Variants in SPTLC1 observed in about 807,000 individuals in gnomAD.
The protein encoded by SPTLC1 is serine palmitoyltransferase 1.
SPTLC1 carries 55 observed loss-of-function variants against 68.9 expected under a neutral mutation model. The ratio of observed to expected loss-of-function variants is 0.80; its 90% CI spans 0.64 to 1.00. The LOEUF is 1.00. Ranked by LOEUF, SPTLC1 falls within the 50% of genes least tolerant of loss-of-function variation. The pLI is 0.00. For missense variants in SPTLC1, 449 were observed against 573.1 expected (o/e 0.78, Z 2.21); for synonymous variants, 197 against 201.6 (o/e 0.98, Z 0.19).
In SPTLC1 at chr9:92,104,322, T is replaced by C. The variant is rs552016466; in HGVS notation, c.260+4418A>G. 3.2e-4 allele frequency: 445 copies of C among 1,394,938 alleles called. 1 individual carries two copies. In the South Asian group the frequency reaches 3.4e-3, roughly 11 times the overall value. 86.4% of individuals were successfully genotyped at this position (1,394,938 alleles called of 1,614,324 possible). ...CTGGCCGGGCTCACCCCGCGGCTCC[T>C]GCACCTGTGCCTGCCCCGGGAATCT... On this transcript the variant is annotated intron_variant, in intron 3 of 14. Coordinates refer to ENST00000262554, the MANE Select transcript of SPTLC1 (RefSeq NM_006415.4).
chr9:92,031,184 A>G lies in SPTLC1; in HGVS notation c.*1281T>C, dbSNP rs1217451507. On this transcript the variant is annotated 3_prime_UTR_variant, in exon 15 of 15. Coordinates refer to ENST00000262554, the MANE Select transcript of SPTLC1 (RefSeq NM_006415.4). ...GTTTATTTCATTAAAAAATAAAACA[A>G]AACAAACCAGACTCATCCCCCAAAG... 1 of 152,652 alleles carries G rather than the reference A, an allele frequency of 6.6e-6. No homozygotes were observed. Among genetic ancestry groups the G allele is most frequent in the Non-Finnish European group, 1.5e-5 (1 of 68,028 alleles). 9.5% of individuals were successfully genotyped at this position (152,652 alleles called of 1,614,324 possible). A position where few individuals can be genotyped will look rare whatever the true frequency, so the allele number is the denominator to read the frequency against.
At chr9:92,067,914 C>A in intron 6 of SPTLC1, 52 bp downstream of exon 6, 2 of 1,567,478 alleles carry the variant, frequency 1.3e-6, no homozygotes, top group South Asian at 2.2e-5. Flanking sequence ...CTAAGACAGT[C>A]AGTATTATTT....
chr9:92,100,947 G>A (rs1362336548), intron 3 of SPTLC1, among the ~76,000 whole-genome samples: 1 of 151,912 alleles, frequency 6.6e-6, no homozygotes, highest in Non-Finnish European at 1.5e-5. Flanking sequence ...CACATCTCCA[G>A]GTGAAAATCT....
At chr9:92,041,662 C>T (rs956707995) in intron 12 of SPTLC1, among the ~76,000 whole-genome samples, 1 of 152,082 alleles carries the variant, frequency 6.6e-6, no homozygotes, top group Admixed American at 6.5e-5. Context: ...TCCTATGTTA[C>T]GTAAAGTTGG....
chr9:92,069,447 AAC>A, intron 5 of SPTLC1, among the ~76,000 whole-genome samples: 1 of 152,290 alleles, frequency 6.6e-6, no homozygotes, highest in Non-Finnish European at 1.5e-5. Flanking sequence ...ACTTTACAAC[AAC>A]ACACAGAGTT....
At chr9:92,086,382 G>A (rs148771025) in intron 3 of SPTLC1, among the ~76,000 whole-genome samples, 16,430 of 152,128 alleles carry the variant, frequency 0.11, 1,916 homozygotes, top group African/African-American at 0.3. Context: ...GACTGGTACC[G>A]GTTGTTCCTT....
intron 5 of SPTLC1, among the ~76,000 whole-genome samples, chr9:92,075,176 A>G (rs1834639079): frequency 6.6e-6 from 1 of 152,114 alleles, no homozygotes; most frequent in Non-Finnish European, 1.5e-5. Flanking sequence ...ATCCCCCTCC[A>G]AAGCTCAAAT....
chr9:92,038,396 A>G, intron 12 of SPTLC1, 31 bp from the exon 13 acceptor site: 2 of 1,382,714 alleles, frequency 1.4e-6, no homozygotes, highest in Non-Finnish European at 2.1e-6. Flanking sequence ...CACAGCTGTA[A>G]GTCCCTTCCA....
rs150428798 is a variant in SPTLC1, at chr9:92,035,745, A to G, written c.1255-862T>C. ...CAATTATTCCATGTCTCTGGCAGTA[A>G]AAGTATCTGCCTGAAGAGGGGTCAC... On this transcript the variant is annotated intron_variant, in intron 13 of 14. Transcript: ENST00000262554. Among the ~76,000 whole-genome samples the G allele has an allele frequency of 2.6e-3, 392 of 152,342 alleles. 2 individuals carry two copies. Among genetic ancestry groups the G allele is most frequent in the African/African-American group, 8.9e-3 (371 of 41,590 alleles).
intron 3 of SPTLC1, among the ~76,000 whole-genome samples, chr9:92,088,033 C>T (rs530081464): frequency 6.6e-6 from 1 of 152,330 alleles, no homozygotes; most frequent in African/African-American, 2.4e-5. Context: ...ACTGTGTGGG[C>T]GTAGGACCCT....
At chr9:92,102,339 A>ATCC in intron 3 of SPTLC1, among the ~76,000 whole-genome samples, 2 of 152,366 alleles carry the variant, frequency 1.3e-5, no homozygotes, top group Middle Eastern at 3.4e-3. Context: ...CTATCCACCT[A>ATCC]ACTGTTAAAA....
chr9:92,040,130 GAGGCCAAGGC>G (rs1037176718), intron 12 of SPTLC1, among the ~76,000 whole-genome samples: 9 of 152,148 alleles, frequency 5.9e-5, no homozygotes, highest in African/African-American at 2.2e-4. Flanking sequence ...AGCACTTTGG[GAGGCCAAGGC>G]AGGTAGATCA....
chr9:92,111,268 T>C (rs1274813007), intron 2 of SPTLC1: 1 of 152,180 alleles, frequency 6.6e-6, no homozygotes, highest in Non-Finnish European at 1.5e-5. Context: ...CCTGCTGAGG[T>C]AACCAACCAG....
chr9:92,064,538 G>A (rs1834216234), intron 6 of SPTLC1, among the ~76,000 whole-genome samples: 3 of 152,144 alleles, frequency 2.0e-5, no homozygotes, highest in Admixed American at 2.0e-4. Context: ...AGACACTTTG[G>A]AAAATAGTTT....
chr9:92,110,345 A>C (rs1836182804), intron 2 of SPTLC1: 1 of 152,194 alleles, frequency 6.6e-6, no homozygotes, highest in Non-Finnish European at 1.5e-5. Flanking sequence ...TCTAGTAGCC[A>C]TCACATTTCT....
chr9:92,079,516 T>G (rs202080725), intron 5 of SPTLC1: 1 of 1,613,952 alleles, frequency 6.2e-7, no homozygotes, highest in East Asian at 2.2e-5. Context: ...TTAGTTGGCC[T>G]GTTCCCGGAT....
At chr9:92,033,523 G>A (rs2118330866) in intron 14 of SPTLC1, among the ~76,000 whole-genome samples, 1 of 152,300 alleles carries the variant, frequency 6.6e-6, no homozygotes, top group East Asian at 1.9e-4. Context: ...TGCACCTACG[G>A]TCTTACTAAC....
At chr9:92,102,135 C>CA (rs1410791163) in intron 3 of SPTLC1, among the ~76,000 whole-genome samples, 1 of 152,184 alleles carries the variant, frequency 6.6e-6, no homozygotes, top group African/African-American at 2.4e-5. Context: ...ATGATATATT[C>CA]AAAGTGCTAA....
intron 3 of SPTLC1, among the ~76,000 whole-genome samples, chr9:92,084,490 T>G (rs952752830): frequency 5.9e-5 from 9 of 152,236 alleles, no homozygotes. Flanking sequence ...CTGCATCTAT[T>G]GAGATAATCA....
Sources: allele counts gnomAD v4.1 joint callset (sites outside exome capture counted in the v4.1 genomes callset), GRCh38; gene constraint gnomAD v4.1.1; transcripts MANE v1.5; gene names NCBI Gene and HGNC (gene_info 2026-07-23, HGNC 2026-07-21).